CADM2: variants seen among roughly 807,000 people sequenced by gnomAD.
The protein encoded by CADM2 is cell adhesion molecule 2.
CADM2 carries 12 observed loss-of-function variants against 49.8 expected under a neutral mutation model. That is an observed-to-expected ratio of 0.24 (90% CI 0.15 to 0.39). The LOEUF (loss-of-function observed/expected upper bound fraction) is 0.39, where lower values mean the gene tolerates loss of function less well. Ranked by LOEUF, CADM2 falls within the 10% of genes least tolerant of loss-of-function variation. The pLI is 1.00. For missense variants in CADM2, 378 were observed against 492.3 expected (o/e 0.77, Z 2.20); for synonymous variants, 214 against 175.4 (o/e 1.22, Z -1.74).
intron 1 of CADM2, among the ~76,000 whole-genome samples, chr3:85,448,465 C>A (rs1403868005): frequency 6.6e-6 from 1 of 151,770 alleles, no homozygotes; most frequent in African/African-American, 2.4e-5. Context: ...ATATGGATGT[C>A]TTCATGATTC....
intron 8 of CADM2, among the ~76,000 whole-genome samples, chr3:85,970,762 A>C (rs186694712): frequency 6.6e-6 from 1 of 151,728 alleles, no homozygotes; most frequent in East Asian, 2.0e-4. Context: ...CAGTTTAGTT[A>C]ATCCTCAAAA....
At chr3:85,393,887 C>T (rs941181092) in intron 1 of CADM2, among the ~76,000 whole-genome samples, 19 of 152,128 alleles carry the variant, frequency 1.2e-4, no homozygotes, top group South Asian at 2.1e-4. Flanking sequence ...AAAAGTTACT[C>T]GCTCCGCCTC....
chr3:85,453,368 G>A (rs923761781), intron 1 of CADM2, among the ~76,000 whole-genome samples: 3 of 151,908 alleles, frequency 2.0e-5, no homozygotes, highest in Non-Finnish European at 4.4e-5. Context: ...TTCCTCTGGT[G>A]TATTAATAGA....
chr3:85,070,731 G>A (rs1052025004), intron 1 of CADM2, among the ~76,000 whole-genome samples: 2 of 151,988 alleles, frequency 1.3e-5, no homozygotes, highest in Non-Finnish European at 2.9e-5. Flanking sequence ...AGTGGATCAC[G>A]CCTGTAATTA....
chr3:85,444,362 A>G (rs1294231928), intron 1 of CADM2, among the ~76,000 whole-genome samples: 1 of 151,908 alleles, frequency 6.6e-6, no homozygotes, highest in Non-Finnish European at 1.5e-5. Context: ...AAAATATTAA[A>G]ACTGGATTTA....
intron 1 of CADM2, among the ~76,000 whole-genome samples, chr3:85,412,081 T>A (rs1166122434): frequency 3.9e-5 from 6 of 152,086 alleles, no homozygotes; most frequent in Non-Finnish European, 8.8e-5. Flanking sequence ...GCCCACACTT[T>A]AGCGGACCAA....
chr3:86,048,532 A>C (rs1386617014), intron 8 of CADM2, among the ~76,000 whole-genome samples: 1 of 152,126 alleles, frequency 6.6e-6, no homozygotes, highest in Non-Finnish European at 1.5e-5. Context: ...TATTTCATTA[A>C]ATTAAATTAA....
intron 1 of CADM2, among the ~76,000 whole-genome samples, chr3:85,163,556 C>T (rs1200268844): frequency 6.6e-6 from 1 of 151,950 alleles, no homozygotes; most frequent in Non-Finnish European, 1.5e-5. Flanking sequence ...ATTTTACGCC[C>T]TCAGACAATT....
chr3:85,313,954 G>A (rs901803140), intron 1 of CADM2, among the ~76,000 whole-genome samples: 6 of 152,106 alleles, frequency 3.9e-5, no homozygotes, highest in Admixed American at 6.6e-5. Flanking sequence ...GCAGTCGTGC[G>A]ATCTCGACTC....
intron 1 of CADM2, among the ~76,000 whole-genome samples, chr3:85,303,672 A>G (rs978131292): frequency 6.6e-6 from 1 of 151,976 alleles, no homozygotes; most frequent in Admixed American, 6.6e-5. Context: ...TTCTCTTGGT[A>G]TCAAATAGCC....
chr3:85,965,425 T>C (rs1027371694), intron 8 of CADM2, among the ~76,000 whole-genome samples: 14 of 151,344 alleles, frequency 9.3e-5, no homozygotes, highest in Non-Finnish European at 1.5e-5. Flanking sequence ...CTATTCTTAC[T>C]CTTATATTTC....
intron 1 of CADM2, among the ~76,000 whole-genome samples, chr3:85,344,349 C>G (rs1403425103): frequency 7.3e-5 from 11 of 151,278 alleles, no homozygotes; most frequent in African/African-American, 2.4e-4. Context: ...CCACTGCACT[C>G]CAGCCCAGCG....
rs539612677 is a variant in CADM2 at position 85,903,398 on chromosome 3, CTT to C, written c.530-8974_530-8973del. Among the ~76,000 whole-genome samples, 21 of 151,940 alleles carry C rather than the reference CTT, an allele frequency of 1.4e-4. No homozygotes were observed. In the South Asian group the frequency reaches 4.4e-3, roughly 32 times the overall value. On this transcript the variant is annotated intron_variant, in intron 5 of 9. Coordinates refer to ENST00000383699, the MANE Select transcript of CADM2 (RefSeq NM_001167675.2). The stretch of plus-strand genomic sequence containing the variant: ...AGGCAGGACTGCTTTAATAACCTCT[CTT>C]AGATTTTGTTTACCTGAAAAATATT...
chr3:85,529,727 C>T (rs1020449035), intron 1 of CADM2, among the ~76,000 whole-genome samples: 1 of 152,022 alleles, frequency 6.6e-6, no homozygotes, highest in Non-Finnish European at 1.5e-5. Flanking sequence ...CTGCCCTCAG[C>T]ATTTGGAACG....
At chr3:86,005,287 C>T (rs1236965067) in intron 8 of CADM2, among the ~76,000 whole-genome samples, 2 of 152,074 alleles carry the variant, frequency 1.3e-5, no homozygotes, top group East Asian at 1.9e-4. Flanking sequence ...CGTGGTGGCT[C>T]ATGCCTGTAA....
intron 6 of CADM2, among the ~76,000 whole-genome samples, chr3:85,921,137 C>T (rs907146752): frequency 6.6e-6 from 1 of 151,754 alleles, no homozygotes; most frequent in Non-Finnish European, 1.5e-5. Flanking sequence ...GTAAAAATAT[C>T]ATATACATCT....
intron 1 of CADM2, among the ~76,000 whole-genome samples, chr3:85,261,331 T>A (rs752718197): frequency 9.9e-5 from 15 of 152,038 alleles, no homozygotes; most frequent in Admixed American, 5.9e-4. Flanking sequence ...AGACAGGGCT[T>A]CACTATATTG....
intron 1 of CADM2, among the ~76,000 whole-genome samples, chr3:85,295,778 G>A (rs2043945277): frequency 6.6e-6 from 1 of 152,050 alleles, no homozygotes; most frequent in African/African-American, 2.4e-5. Context: ...GGACTGTTGT[G>A]GGGTTGGGGG....
intron 5 of CADM2, among the ~76,000 whole-genome samples, chr3:85,892,511 T>C (rs368815646): frequency 1.4e-4 from 21 of 152,098 alleles, no homozygotes; most frequent in East Asian, 5.8e-4. Context: ...GCTGTTCCCA[T>C]AATAGTGAAT....
Sources: allele counts gnomAD v4.1 joint callset (sites outside exome capture counted in the v4.1 genomes callset), GRCh38; gene constraint gnomAD v4.1.1; transcripts MANE v1.5; gene names NCBI Gene and HGNC (gene_info 2026-07-23, HGNC 2026-07-21).